The following EPC1 variants were observed in gnomAD, a reference collection of about 807,000 sequenced individuals.
The protein encoded by EPC1 is enhancer of polycomb 1.
In EPC1, 12 loss-of-function variants were observed where a neutral mutation model predicts 98.4. The observed-to-expected ratio is 0.12, with a 90% CI of 0.08 to 0.20. EPC1 has a LOEUF of 0.20. Ranked by LOEUF, EPC1 falls within the 10% of genes least tolerant of loss-of-function variation. The pLI is 1.00. For missense variants in EPC1, 729 were observed against 990.5 expected, an observed-to-expected ratio of 0.74 and a Z score of 3.54; for synonymous variants, 357 against 363.9, an observed-to-expected ratio of 0.98 and a Z score of 0.21.
At chr10:32,339,428 C>G (rs1483159588) in intron 1 of EPC1, among the ~76,000 whole-genome samples, 2 of 151,884 alleles carry the variant, frequency 1.3e-5, no homozygotes, top group South Asian at 2.1e-4. Context: ...ACCTGTAGCC[C>G]CAGCTACTCA....
At chr10:32,343,662 G>A (rs1838528293) in intron 1 of EPC1, among the ~76,000 whole-genome samples, 1 of 142,302 alleles carries the variant, frequency 7.0e-6, no homozygotes, top group South Asian at 2.5e-4. Flanking sequence ...AAATAGATAA[G>A]TTCAGTAACA....
intron 1 of EPC1, among the ~76,000 whole-genome samples, chr10:32,357,848 T>TA (rs1564566175): frequency 1.3e-5 from 2 of 148,286 alleles, no homozygotes; most frequent in African/African-American, 2.5e-5. Flanking sequence ...GCCTTCTCAA[T>TA]AAATTTTTTT....
chr10:32,291,292 G>A lies in EPC1; in HGVS notation c.846C>T (p.Ile282=). 6.2e-7 allele frequency: 1 copy of A among 1,613,544 alleles called. No homozygotes were observed. The highest frequency in any genetic ancestry group is 8.5e-7 in the Non-Finnish European group (1 of 1,179,680). The change falls in exon 6 of 14, where the codon ATC becomes ATT. Residue 282 remains isoleucine, a synonymous_variant. Transcript: ENST00000319778. ...GTCTCTGTGCCATAACCTCAGACAT[G>A]ATCTCTCCATTGTAGTCGCCCAAAT... ...RYNLGDYNGE[I]MSEVMAQRQP...
At chr10:32,372,649 A>G (rs972106420) in intron 1 of EPC1, among the ~76,000 whole-genome samples, 1 of 152,262 alleles carries the variant, frequency 6.6e-6, no homozygotes, top group Non-Finnish European at 1.5e-5. Flanking sequence ...CCGATTACTC[A>G]TTCTAGGAAA....
intron 2 of EPC1, among the ~76,000 whole-genome samples, chr10:32,299,181 T>TTTTTG (rs994771280): frequency 1.3e-5 from 2 of 152,050 alleles, no homozygotes; most frequent in East Asian, 1.9e-4. Flanking sequence ...CATAATGGCT[T>TTTTTG]TTTTGTTTTG....
At chr10:32,332,582 C>T (rs776167833) in intron 1 of EPC1, among the ~76,000 whole-genome samples, 1 of 152,180 alleles carries the variant, frequency 6.6e-6, no homozygotes, top group Non-Finnish European at 1.5e-5. Context: ...GTAGAGAGAA[C>T]TGGGACAGAA....
chr10:32,364,002 A>ATT (rs35887256), intron 1 of EPC1, among the ~76,000 whole-genome samples: 2 of 69,316 alleles, frequency 2.9e-5, no homozygotes, highest in African/African-American at 1.3e-4. Context: ...TCATGTTGGC[A>ATT]TTTTTTTTTT....
chr10:32,293,683 A>G lies in EPC1; in HGVS notation c.368T>C (p.Val123Ala), dbSNP rs1415647069. 8.1e-6 allele frequency: 13 copies of G among 1,613,600 alleles called. No homozygotes were observed. In the East Asian group the frequency reaches 2.5e-4, roughly 30 times the overall value. The change falls in exon 3 of 14, where the codon GTA (valine) becomes GCA (alanine). Residue 123 changes from valine to alanine, a missense_variant. Val to Ala is a moderately conservative substitution (Grantham distance 64). Coordinates refer to ENST00000319778, the MANE Select transcript of EPC1 (RefSeq NM_001272004.3). ...PDYDLDSEDE[V>A]FVNKLKKKMD... ...TTTCTTTTTCAGTTTATTCACAAAT[A>G]CTTCATCTTCAGAATCCAAATCATA...
chr10:32,321,287 G>C (rs539371531), intron 1 of EPC1, among the ~76,000 whole-genome samples: 1 of 152,014 alleles, frequency 6.6e-6, no homozygotes, highest in Non-Finnish European at 1.5e-5. Context: ...TAGGGCCAGC[G>C]AATCTTAAAA....
At chr10:32,327,799 G>A (rs1837392694) in intron 1 of EPC1, among the ~76,000 whole-genome samples, 1 of 152,162 alleles carries the variant, frequency 6.6e-6, no homozygotes, top group Non-Finnish European at 1.5e-5. Flanking sequence ...ATCTAAACAT[G>A]GAAAAGGTAC....
chr10:32,352,734 C>A (rs1456202044), intron 1 of EPC1, among the ~76,000 whole-genome samples: 1 of 152,186 alleles, frequency 6.6e-6, no homozygotes, highest in Non-Finnish European at 1.5e-5. Context: ...CTAGGTGATG[C>A]AGAAATACTT....
At position 32,287,253 on chromosome 10, in the gene EPC1, G is replaced by T; in HGVS notation, c.997C>A (p.Arg333=). 6.2e-7 allele frequency: 1 copy of T among 1,613,960 alleles called. No individual in the cohort carries two copies. Among genetic ancestry groups the T allele is most frequent in the South Asian group, 1.1e-5 (1 of 91,068 alleles). ...TTCTTTTCATATTTCCGTTTCGGTC[G>T]GATAAGATCGGCTTTATCTTGCTGC... ...VNKQDKADLI[R]PKRKYEKKPK... The change falls in exon 7 of 14, where the codon CGA becomes AGA. Residue 333 remains arginine (R), a synonymous_variant. Coordinates refer to ENST00000319778, the MANE Select transcript of EPC1 (RefSeq NM_001272004.3).
intron 10 of EPC1, chr10:32,283,299 T>A (rs538936290): frequency 6.6e-6 from 1 of 151,576 alleles, no homozygotes; most frequent in South Asian, 2.1e-4. Flanking sequence ...GATTAGTAAA[T>A]GTATTTTCTC....
chr10:32,366,329 C>G (rs1335332657), intron 1 of EPC1, among the ~76,000 whole-genome samples: 1 of 152,082 alleles, frequency 6.6e-6, no homozygotes, highest in African/African-American at 2.4e-5. Flanking sequence ...AACTTACTTC[C>G]TATAAACACA....
chr10:32,325,752 A>C (rs959745359), intron 1 of EPC1, among the ~76,000 whole-genome samples: 37 of 151,380 alleles, frequency 2.4e-4, no homozygotes, highest in African/African-American at 8.7e-4. Context: ...ATTTCAAAGA[A>C]GCAAACTGTG....
At chr10:32,367,324 G>C (rs776297087) in intron 1 of EPC1, among the ~76,000 whole-genome samples, 112 of 152,304 alleles carry the variant, frequency 7.4e-4, no homozygotes, top group Non-Finnish European at 1.4e-3. Flanking sequence ...AGACTGGCAT[G>C]AGCCACCGTC....
intron 6 of EPC1, among the ~76,000 whole-genome samples, chr10:32,288,487 T>TACCCATTTAC (rs2132712017): frequency 6.6e-6 from 1 of 152,042 alleles, no homozygotes; most frequent in South Asian, 2.1e-4. Flanking sequence ...GTGCTATTAC[T>TACCCATTTAC]ACCCATTTAC....
Position 32,286,982 on chromosome 10 carries a change from T to C in EPC1, c.1186A>G (p.Asn396Asp), listed in dbSNP as rs887889430. ...AAAGCAAAAGGACCATCAGGATCAT[T>C]GTCTTCCTCAGCTTCCGAAGAGCCA... Reference protein sequence around the residue: ...LSGSSEAEEDNDPDGPFAFRR... With the variant: ...LSGSSEAEEDDDPDGPFAFRR... The change falls in exon 8 of 14, where the codon AAT (asparagine) becomes GAT (aspartate). Residue 396 changes from asparagine to aspartate, a missense_variant. Physicochemically the swap from Asn to Asp is conservative, Grantham distance 23. Around this residue, in one of 6 missense-constraint regions of EPC1, gnomAD observed 390 missense variants for 438.6 expected, o/e 0.89. Coordinates refer to ENST00000319778, the MANE Select transcript of EPC1 (RefSeq NM_001272004.3). The C allele has an allele frequency of 8.1e-6, 13 of 1,614,034 alleles. No homozygotes were observed. Among genetic ancestry groups the C allele is most frequent in the Admixed American group, 1.7e-5 (1 of 59,986 alleles).
chr10:32,275,284 G>A (rs1836022847), intron 10 of EPC1, among the ~76,000 whole-genome samples: 1 of 152,218 alleles, frequency 6.6e-6, no homozygotes, highest in African/African-American at 2.4e-5. Flanking sequence ...TGAAGATCTT[G>A]TGAATTTCAC....
Sources: allele counts gnomAD v4.1 joint callset (sites outside exome capture counted in the v4.1 genomes callset), GRCh38; gene constraint gnomAD v4.1.1; regional missense constraint gnomAD v4.1.1; transcripts MANE v1.5; gene names NCBI Gene and HGNC (gene_info 2026-07-23, HGNC 2026-07-21).